GNAT3: variants seen among roughly 807,000 people sequenced by gnomAD.
GNAT3 encodes the protein G protein subunit alpha transducin 3.
In GNAT3, 31 loss-of-function variants were observed where a neutral mutation model predicts 37.7. That is an observed-to-expected ratio of 0.82 (90% CI 0.62 to 1.11). The LOEUF is 1.11. Among genes scored for constraint, GNAT3 ranks in the 50% most tolerant of loss-of-function variants. The pLI, the probability that GNAT3 is intolerant of heterozygous loss-of-function variation, is 0.00. For missense variants in GNAT3, 437 were observed against 412.5 expected, an observed-to-expected ratio of 1.06 and a Z score of -0.51; for synonymous variants, 138 against 139.8, an observed-to-expected ratio of 0.99 and a Z score of 0.09.
chr7:80,508,481 C>A (rs996970134), intron 1 of GNAT3, among the ~76,000 whole-genome samples: 5 of 151,800 alleles, frequency 3.3e-5, no homozygotes, highest in African/African-American at 1.2e-4. Context: ...AATATTTTAT[C>A]CGTTAGAATT....
chr7:80,498,944 T>G (rs1218628480), intron 1 of GNAT3, among the ~76,000 whole-genome samples: 1 of 152,186 alleles, frequency 6.6e-6, no homozygotes, highest in Admixed American at 6.5e-5. Context: ...TAAAAAGAAT[T>G]TTAAATCTAC....
Position 80,504,383 on chromosome 7 carries a change from ATAACTTT to A in GNAT3, c.118+7419_118+7425del, listed in dbSNP as rs1180496194. On this transcript the variant is annotated intron_variant, in intron 1 of 7. Transcript: ENST00000398291. ...GGCCATTATCTGCACTCTGTGAGGG[ATAACTTT>A]TTACTAGAGAAGAGCATATATACAA... Among the ~76,000 whole-genome samples the A allele has an allele frequency of 1.4e-4, 21 of 152,298 alleles. No individual in the cohort carries two copies. The South Asian group carries it at 4.4e-3, about 32-fold the overall frequency.
intron 1 of GNAT3, among the ~76,000 whole-genome samples, chr7:80,510,534 A>G (rs1383561460): frequency 6.6e-6 from 1 of 152,138 alleles, no homozygotes; most frequent in African/African-American, 2.4e-5. Flanking sequence ...CTGTGTCCAT[A>G]TTACTTTCAC....
At chr7:80,509,662 G>A (rs1317209520) in intron 1 of GNAT3, among the ~76,000 whole-genome samples, 1 of 151,998 alleles carries the variant, frequency 6.6e-6, no homozygotes, top group East Asian at 1.9e-4. Flanking sequence ...ATGGCTCTGT[G>A]GAGTGGTAAA....
In GNAT3 at chr7:80,488,544, G is replaced by T. The variant is rs1197973522; in HGVS notation, c.294C>A (p.Pro98=). The stretch of plus-strand genomic sequence containing the variant: ...TTATTTGCATACTTACTGCACTTCT[G>T]GGATTTACATAATCAATTCCAAGGG... ...MTTLGIDYVN[P]RSAEDQRQLY... The change falls in exon 3 of 8, where the codon CCC becomes CCA. Residue 98 remains proline (P), a synonymous_variant. Transcript: ENST00000398291. The T allele has an allele frequency of 1.2e-6, 2 of 1,600,472 alleles. No homozygotes were observed. The highest frequency in any genetic ancestry group is 1.1e-5 in the South Asian group (1 of 88,866).
Position 80,497,571 on chromosome 7 carries a change from TACATATAC to T in GNAT3, c.119-2932_119-2925del, listed in dbSNP as rs1562732662. ...ATATACGTATATACATATACGTATA[TACATATAC>T]GTATATACATATACGTATATACATA... is the stretch of plus-strand genomic sequence containing the variant. On this transcript the variant is annotated intron_variant, in intron 1 of 7. Coordinates refer to ENST00000398291, the MANE Select transcript of GNAT3 (RefSeq NM_001102386.3). Among the ~76,000 whole-genome samples the T allele has an allele frequency of 5.4e-4, 74 of 137,428 alleles. 2 individuals carry two copies. The highest frequency in any genetic ancestry group is 7.4e-3 in the Middle Eastern group (2 of 270). 90.2% of individuals were successfully genotyped at this position (137,428 alleles called of 152,430 possible). A position where few individuals can be genotyped will look rare whatever the true frequency, so the allele number is the denominator to read the frequency against.
rs553082154 is a variant in GNAT3 at position 80,486,096 on chromosome 7, C to T, written c.303+2439G>A. Among the ~76,000 whole-genome samples, 2 of 152,258 alleles carry T rather than the reference C, an allele frequency of 1.3e-5. 1 individual carries two copies. Among genetic ancestry groups the T allele is most frequent in the African/African-American group, 4.8e-5 (2 of 41,560 alleles). ...TCACATGTAGGTAGTGTTTAGCAAT[C>T]AATCTGTTAAATAAACAATTTTAAA... On this transcript the variant is annotated intron_variant, in intron 3 of 7. Coordinates refer to ENST00000398291, the MANE Select transcript of GNAT3 (RefSeq NM_001102386.3).
intron 1 of GNAT3, among the ~76,000 whole-genome samples, chr7:80,508,250 CA>C (rs781118791): frequency 2.0e-5 from 3 of 150,764 alleles, no homozygotes; most frequent in Non-Finnish European, 4.4e-5. Flanking sequence ...CAAATCTAAG[CA>C]GCCCATGTGA....
chr7:80,488,717 T>C, intron 2 of GNAT3, 41 bp from the exon 3 acceptor site: 1 of 1,429,666 alleles, frequency 7.0e-7, no homozygotes. Flanking sequence ...GTTGAATAAT[T>C]GATTGTAACA....
In GNAT3 at chr7:80,497,819, G is replaced by T. The variant is rs538301864; in HGVS notation, c.119-3172C>A. ...TCAACCAAAGTATTCAACTAGAAAT[G>T]AGAAAAAAGTCTCATTTCTGAATGT... On this transcript the variant is annotated intron_variant, in intron 1 of 7. Transcript: ENST00000398291. 4.6e-5 allele frequency among the ~76,000 whole-genome samples: 7 copies of T among 151,706 alleles called. No homozygotes were observed. In the South Asian group the frequency reaches 1.0e-3, roughly 23 times the overall value.
intron 7 of GNAT3, among the ~76,000 whole-genome samples, chr7:80,461,706 G>A (rs1380960094): frequency 6.6e-6 from 1 of 151,894 alleles, no homozygotes; most frequent in Non-Finnish European, 1.5e-5. Flanking sequence ...CACGAAAACC[G>A]GAAAATGAAG....
chr7:80,461,986 G>A (rs57388597), intron 7 of GNAT3, among the ~76,000 whole-genome samples, 173 bp downstream of exon 7: 11,006 of 152,138 alleles, frequency 0.072, 766 homozygotes, highest in African/African-American at 0.19. Flanking sequence ...TGTACACAAT[G>A]TAGAGAGGGT....
chr7:80,465,848 C>T (rs1037699690), intron 5 of GNAT3, among the ~76,000 whole-genome samples: 4 of 151,980 alleles, frequency 2.6e-5, no homozygotes, highest in East Asian at 1.9e-4. Flanking sequence ...CATATAGGCT[C>T]CATTTGGTCA....
intron 2 of GNAT3, among the ~76,000 whole-genome samples, chr7:80,491,728 G>A (rs1010202290): frequency 6.6e-6 from 1 of 152,096 alleles, no homozygotes; most frequent in Non-Finnish European, 1.5e-5. Flanking sequence ...CTTCGTAAGG[G>A]CAACTTCTGC....
intron 2 of GNAT3, among the ~76,000 whole-genome samples, chr7:80,490,870 T>C (rs923418334): frequency 6.6e-6 from 1 of 152,088 alleles, no homozygotes; most frequent in Non-Finnish European, 1.5e-5. Flanking sequence ...CCTTCTATAG[T>C]GTGTTAGTCT....
intron 2 of GNAT3, 22 bp from the exon 3 acceptor site, chr7:80,488,698 T>C: frequency 6.5e-7 from 1 of 1,530,562 alleles, no homozygotes; most frequent in Non-Finnish European, 8.9e-7. Flanking sequence ...ACATGAAAAG[T>C]TTCTGTGAGT....
chr7:80,497,289 T>C lies in GNAT3; in HGVS notation c.119-2642A>G, dbSNP rs192814264. ...ATCATTTTGCATGGCTGAGAATTGT[T>C]TGTGAGAGTGGCAACTCATTCAAAA... On this transcript the variant is annotated intron_variant, in intron 1 of 7. Coordinates refer to ENST00000398291, the MANE Select transcript of GNAT3 (RefSeq NM_001102386.3). Among the ~76,000 whole-genome samples, 75 of 152,192 alleles carry C rather than the reference T, an allele frequency of 4.9e-4. 1 individual carries two copies. The highest frequency in any genetic ancestry group is 9.9e-4 in the Non-Finnish European group (67 of 67,984).
chr7:80,508,528 C>G (rs371160458), intron 1 of GNAT3, among the ~76,000 whole-genome samples: 4 of 152,074 alleles, frequency 2.6e-5, no homozygotes, highest in East Asian at 3.9e-4. Context: ...TCTGGAATAT[C>G]TTTGCAAGTA....
At chr7:80,508,047 T>G (rs923178901) in intron 1 of GNAT3, among the ~76,000 whole-genome samples, 66 of 151,120 alleles carry the variant, frequency 4.4e-4, no homozygotes, top group African/African-American at 1.6e-3. Context: ...AAAGAAAAAA[T>G]AAAAATAAAG....
Sources: allele counts gnomAD v4.1 joint callset (sites outside exome capture counted in the v4.1 genomes callset), GRCh38; gene constraint gnomAD v4.1.1; transcripts MANE v1.5; gene names NCBI Gene and HGNC (gene_info 2026-07-23, HGNC 2026-07-21).